Variants in KIAA0513 observed in about 807,000 individuals in gnomAD.
The protein encoded by KIAA0513 is KIAA0513, also known as uncharacterized protein KIAA0513.
Under a neutral mutation model 56.5 loss-of-function variants are expected in KIAA0513, and 39 were observed. That is an observed-to-expected ratio of 0.69 (90% CI 0.53 to 0.90). KIAA0513 has a LOEUF of 0.90. Ranked by LOEUF, KIAA0513 falls within the 40% of genes least tolerant of loss-of-function variation. KIAA0513 has a pLI of 0.00. For missense variants in KIAA0513, 591 were observed against 535.2 expected (o/e 1.10, Z -1.03); for synonymous variants, 268 against 215.6 (o/e 1.24, Z -2.13).
At chr16:85,034,132 A>T (rs561272762) in intron 1 of KIAA0513, among the ~76,000 whole-genome samples, 2 of 152,124 alleles carry the variant, frequency 1.3e-5, no homozygotes, top group South Asian at 4.1e-4. Context: ...TAATCCCAGC[A>T]CTTTGGGAGG....
chr16:85,043,961 C>T (rs774206651), intron 1 of KIAA0513, among the ~76,000 whole-genome samples: 4 of 152,072 alleles, frequency 2.6e-5, no homozygotes, highest in Non-Finnish European at 4.4e-5. Flanking sequence ...ACCCGGGAAG[C>T]GGAGGTTGTG....
intron 1 of KIAA0513, among the ~76,000 whole-genome samples, chr16:85,064,669 T>C (rs2073453059): frequency 6.6e-6 from 1 of 152,222 alleles, no homozygotes; most frequent in Non-Finnish European, 1.5e-5. Context: ...AAGAATTGTC[T>C]ACGCCTTTAA....
rs759692087 is a variant in KIAA0513 at position 85,088,253 on chromosome 16, A to G, written c.1187-23A>G. 9 of 1,610,430 alleles carry G rather than the reference A, an allele frequency of 5.6e-6. No homozygotes were observed. In the African/African-American group the frequency reaches 1.2e-4, roughly 21 times the overall value. On this transcript the variant is annotated intron_variant, in intron 12 of 12. Coordinates refer to ENST00000683363, the MANE Select transcript of KIAA0513 (RefSeq NM_001388359.1). ...CCCTGTCACTGTCTTTCATCTGAGA[A>G]ATAACATCACTTTCTCTTCCAGAGC...
At chr16:85,049,999 C>T (rs1003942266) in intron 1 of KIAA0513, among the ~76,000 whole-genome samples, 10 of 152,172 alleles carry the variant, frequency 6.6e-5, no homozygotes, top group Admixed American at 1.3e-4. Context: ...CGGAGTCAGC[C>T]GCTGTGTCCT....
At chr16:85,043,267 C>A (rs2073126944) in intron 1 of KIAA0513, among the ~76,000 whole-genome samples, 1 of 152,164 alleles carries the variant, frequency 6.6e-6, no homozygotes, top group African/African-American at 2.4e-5. Context: ...AAAACAAGTT[C>A]TCTTACCCAG....
chr16:85,037,045 A>G (rs533242196), intron 1 of KIAA0513, among the ~76,000 whole-genome samples: 1 of 152,110 alleles, frequency 6.6e-6, no homozygotes, highest in Non-Finnish European at 1.5e-5. Context: ...GCCAAGGCTG[A>G]TGGGGATGGT....
At chr16:85,059,928 T>G (rs1297042935) in intron 1 of KIAA0513, among the ~76,000 whole-genome samples, 1 of 152,180 alleles carries the variant, frequency 6.6e-6, no homozygotes, top group African/African-American at 2.4e-5. Context: ...GGGTACAGAT[T>G]CAAATGATTT....
chr16:85,038,601 GGGA>G (rs2073065065), intron 1 of KIAA0513, among the ~76,000 whole-genome samples: 1 of 151,542 alleles, frequency 6.6e-6, no homozygotes, highest in African/African-American at 2.4e-5. Context: ...CCAGCTACAC[GGGA>G]GGCTGAGGCA....
rs116666235 is a variant in KIAA0513 at position 85,091,763 on chromosome 16, G to T, written c.*3438G>T. On this transcript the variant is annotated 3_prime_UTR_variant, in exon 13 of 13. Coordinates refer to ENST00000683363, the MANE Select transcript of KIAA0513 (RefSeq NM_001388359.1). ...GATTCGCTTTTCCCTAGGCTGTTCC[G>T]CGTGGGTTACCTTATCACCCTGGAG... is the stretch of plus-strand genomic sequence containing the variant. The T allele has an allele frequency of 6.6e-6, 1 of 152,096 alleles. No individual in the cohort carries two copies. Among genetic ancestry groups the T allele is most frequent in the African/African-American group, 2.4e-5 (1 of 41,376 alleles). The allele number at this position is 152,096 out of a possible 1,614,324, so 9.4% of individuals were successfully genotyped here. A position where few individuals can be genotyped will look rare whatever the true frequency, so the allele number is the denominator to read the frequency against.
rs918921072 is a variant in KIAA0513, at chr16:85,093,181, G to C, written c.*4856G>C. 12 of 151,868 alleles carry C rather than the reference G, an allele frequency of 7.9e-5. No individual in the cohort carries two copies. The highest frequency in any genetic ancestry group is 2.9e-4 in the African/African-American group (12 of 41,294). The allele number at this position is 151,868 out of a possible 1,614,324, so 9.4% of individuals were successfully genotyped here. ...GCAGTGAGTGAGAGTCCTTGGGAGCGCGGCGCTGCCTGTAGCTGTGCCTGG... is the reference window on the plus strand; with the variant it reads ...GCAGTGAGTGAGAGTCCTTGGGAGCCCGGCGCTGCCTGTAGCTGTGCCTGG... On this transcript the variant is annotated 3_prime_UTR_variant, in exon 13 of 13. Coordinates refer to ENST00000683363, the MANE Select transcript of KIAA0513 (RefSeq NM_001388359.1).
chr16:85,060,421 C>T (rs2073387491), intron 1 of KIAA0513, among the ~76,000 whole-genome samples: 3 of 152,170 alleles, frequency 2.0e-5, no homozygotes, highest in South Asian at 2.1e-4. Context: ...TCTCGGGGTC[C>T]CGGTGCCCCA....
At chr16:85,057,981 C>G (rs1817527687) in intron 1 of KIAA0513, among the ~76,000 whole-genome samples, 2 of 152,106 alleles carry the variant, frequency 1.3e-5, no homozygotes, top group Non-Finnish European at 2.9e-5. Flanking sequence ...AGGAGTAGCC[C>G]CTACATATGG....
intron 1 of KIAA0513, among the ~76,000 whole-genome samples, chr16:85,064,154 C>T (rs553802595): frequency 5.9e-5 from 9 of 151,918 alleles, no homozygotes; most frequent in Non-Finnish European, 1.0e-4. Context: ...TACAGGCGTG[C>T]GCCACCATGC....
chr16:85,059,178 G>A (rs1417088788), intron 1 of KIAA0513, among the ~76,000 whole-genome samples: 1 of 152,334 alleles, frequency 6.6e-6, no homozygotes, highest in East Asian at 1.9e-4. Context: ...CTCAGATAGG[G>A]TGTCATCAAA....
At chr16:85,067,942 C>G (rs2073513190) in intron 2 of KIAA0513, among the ~76,000 whole-genome samples, 1 of 151,686 alleles carries the variant, frequency 6.6e-6, no homozygotes, top group South Asian at 2.1e-4. Context: ...TCCCGAGTAG[C>G]TGGGACTATA....
chr16:85,061,887 C>CT (rs2143981900), intron 1 of KIAA0513, among the ~76,000 whole-genome samples: 1 of 152,302 alleles, frequency 6.6e-6, no homozygotes, highest in South Asian at 2.1e-4. Context: ...GCTGTGGCCT[C>CT]TTTTCCCATG....
Position 85,035,404 on chromosome 16 carries a change from C to T in KIAA0513, c.-173+7546C>T, listed in dbSNP as rs146129473. ...CTGGCTCTGTGGGGACCCTCCTCTC[C>T]CAGGCTGTAAAAGGAAGGCTTTAAC... On this transcript the variant is annotated intron_variant, in intron 1 of 12. Coordinates refer to ENST00000683363, the MANE Select transcript of KIAA0513 (RefSeq NM_001388359.1). 5.3e-3 allele frequency among the ~76,000 whole-genome samples: 811 copies of T among 152,330 alleles called. 9 individuals carry two copies. The highest frequency in any genetic ancestry group is 0.019 in the African/African-American group (784 of 41,568).
intron 1 of KIAA0513, among the ~76,000 whole-genome samples, chr16:85,042,527 C>T (rs1488447563): frequency 3.3e-5 from 5 of 152,170 alleles, no homozygotes; most frequent in African/African-American, 1.2e-4. Flanking sequence ...GCTCTGTAGC[C>T]TTAGGCAACT....
chr16:85,087,262 G>A, intron 12 of KIAA0513, 96 bp downstream of exon 12: 1 of 985,570 alleles, frequency 1.0e-6, no homozygotes. Flanking sequence ...CAGAAGGCAT[G>A]TCGTGTTGCA....
Sources: allele counts gnomAD v4.1 joint callset (sites outside exome capture counted in the v4.1 genomes callset), GRCh38; gene constraint gnomAD v4.1.1; transcripts MANE v1.5; gene names NCBI Gene and HGNC (gene_info 2026-07-23, HGNC 2026-07-21).